The following LEPR variants were observed in gnomAD, a reference collection of about 807,000 sequenced individuals.
LEPR encodes OB receptor.
A neutral mutation model predicts 114.7 loss-of-function variants in LEPR; 56 were observed. The observed-to-expected ratio is 0.49, with a 90% CI of 0.39 to 0.61. LEPR has a LOEUF of 0.61. Among genes scored for constraint, LEPR ranks in the 20% least tolerant of loss-of-function variants. The pLI is 0.00. For missense variants in LEPR, 1,202 were observed against 1,352.9 expected (o/e 0.89, Z 1.75); for synonymous variants, 443 against 461.4 (o/e 0.96, Z 0.51).
Position 65,621,416 on chromosome 1 carries a change from C to T in LEPR, c.2555C>T (p.Ser852Phe). Residue 852 changes from serine (S) to phenylalanine (F), a missense_variant, in exon 18 of 20, where the codon TCT (serine) becomes TTT (phenylalanine). Ser to Phe is a radical substitution (Grantham distance 155). Coordinates refer to ENST00000349533, the MANE Select transcript of LEPR (RefSeq NM_002303.6). ...GTAATTGTGCCAGTAATTATTTCCTCTTCCATCTTATTGCTTGGAACATTA... is the reference window on the plus strand; with the variant it reads ...GTAATTGTGCCAGTAATTATTTCCTTTTCCATCTTATTGCTTGGAACATTA... ...LYVIVPVIIS[S>F]SILLLGTLLI... is the part of the protein sequence containing the mutation. 1 of 1,613,368 alleles carries T rather than the reference C, an allele frequency of 6.2e-7. No individual in the cohort carries two copies. The highest frequency in any genetic ancestry group is 1.1e-5 in the South Asian group (1 of 91,070).
chr1:65,435,263 A>G, intron 2 of LEPR: 8 of 984,810 alleles, frequency 8.1e-6, no homozygotes, highest in African/African-American at 5.2e-5. Flanking sequence ...TATCTCCTCA[A>G]TGAATACTGT....
At chr1:65,533,954 T>C (rs372240957) in intron 2 of LEPR, among the ~76,000 whole-genome samples, 11 of 152,270 alleles carry the variant, frequency 7.2e-5, no homozygotes, top group African/African-American at 2.4e-4. Context: ...TTATTTTAAA[T>C]GTGTCTCTGT....
chr1:65,608,199 G>A (rs1570805901), intron 11 of LEPR, among the ~76,000 whole-genome samples: 1 of 143,118 alleles, frequency 7.0e-6, no homozygotes, highest in East Asian at 2.1e-4. Context: ...AGAACAGTTT[G>A]TTATTGATAT....
chr1:65,603,786 A>C (rs1183798588), intron 10 of LEPR, among the ~76,000 whole-genome samples: 3 of 151,010 alleles, frequency 2.0e-5, no homozygotes, highest in Non-Finnish European at 4.4e-5. Flanking sequence ...TGGCCTAGGG[A>C]AGCCAAAAGA....
In LEPR at chr1:65,596,432, C is replaced by CT. The variant is rs747138555; in HGVS notation, c.704-8dup. ...AAATTACTTGACTTAAAAGTATTCT[C>CT]TTTTTTTTCCTTAAGTGAAGCCTGA... is the stretch of plus-strand genomic sequence containing the variant. On this transcript the variant is annotated splice_polypyrimidine_tract_variant and intron_variant, in intron 6 of 19. Transcript: ENST00000349533. 6.2e-6 allele frequency: 10 copies of CT among 1,611,002 alleles called. No homozygotes were observed. Among genetic ancestry groups the CT allele is most frequent in the Admixed American group, 5.0e-5 (3 of 59,746 alleles).
intron 6 of LEPR, among the ~76,000 whole-genome samples, chr1:65,593,842 A>G (rs1655868162): frequency 6.6e-6 from 1 of 150,398 alleles, no homozygotes. Flanking sequence ...GAAAAAAGTT[A>G]CAAAATCTTT....
chr1:65,430,326 C>G, intron 2 of LEPR: 1 of 265,204 alleles, frequency 3.8e-6, no homozygotes, highest in Non-Finnish European at 7.0e-6. Context: ...ATTCCTGCCT[C>G]TTAAATCTTA....
chr1:65,594,599 G>A (rs1349398172), intron 6 of LEPR, among the ~76,000 whole-genome samples: 1 of 152,022 alleles, frequency 6.6e-6, no homozygotes, highest in Non-Finnish European at 1.5e-5. Flanking sequence ...GAAATCAAGA[G>A]CTCTATTTTG....
chr1:65,552,755 A>C (rs1175376846), intron 2 of LEPR, among the ~76,000 whole-genome samples: 1 of 152,172 alleles, frequency 6.6e-6, no homozygotes, highest in Non-Finnish European at 1.5e-5. Flanking sequence ...TGATCCTGTC[A>C]TTATGATGCT....
chr1:65,581,659 A>G (rs1263870983), intron 5 of LEPR, among the ~76,000 whole-genome samples: 1 of 152,062 alleles, frequency 6.6e-6, no homozygotes, highest in Non-Finnish European at 1.5e-5. Flanking sequence ...GCATTTCTTA[A>G]TTTTAACAGT....
chr1:65,625,652 C>T (rs1028482960), intron 19 of LEPR, among the ~76,000 whole-genome samples: 2 of 151,920 alleles, frequency 1.3e-5, no homozygotes, highest in Non-Finnish European at 2.9e-5. Flanking sequence ...TTAGTGTATC[C>T]GTGGGGGTGA....
intron 2 of LEPR, among the ~76,000 whole-genome samples, chr1:65,547,428 A>C (rs376956452): frequency 6.6e-6 from 1 of 151,640 alleles, no homozygotes; most frequent in African/African-American, 2.4e-5. Context: ...CTGTGAATCC[A>C]TCTGGTCCTG....
chr1:65,569,694 C>T lies in LEPR; in HGVS notation c.41-779C>T, dbSNP rs567409617. ...TGCACTCCAGCCTGAGCAACAAGAG[C>T]GAAATTCCATCTTAAAAAAAAAAAA... On this transcript the variant is annotated intron_variant, in intron 3 of 19. Transcript: ENST00000349533. Among the ~76,000 whole-genome samples the T allele has an allele frequency of 7.1e-5, 8 of 111,998 alleles. No individual in the cohort carries two copies. In the South Asian group the frequency reaches 8.4e-4, roughly 12 times the overall value. The allele number at this position is 111,998 out of a possible 152,430, so 73.5% of individuals were successfully genotyped here.
At chr1:65,532,278 A>G (rs1650454907) in intron 2 of LEPR, among the ~76,000 whole-genome samples, 2 of 152,204 alleles carry the variant, frequency 1.3e-5, no homozygotes, top group African/African-American at 2.4e-5. Context: ...AAGTTCAGGG[A>G]AACTCCATCA....
rs761919755 is a variant in LEPR at position 65,601,357 on chromosome 1, G to A, written c.995-35G>A. 1.7e-5 allele frequency: 27 copies of A among 1,605,462 alleles called. No homozygotes were observed. In the East Asian group the frequency reaches 3.6e-4, roughly 21 times the overall value. ...GTACAAATTACTTACAGAATGTTTT[G>A]TCTTCATCTGATATCCTTTCTTCCC... On this transcript the variant is annotated intron_variant, in intron 8 of 19. Transcript: ENST00000349533.
chr1:65,508,439 A>G (rs946491066), intron 2 of LEPR, among the ~76,000 whole-genome samples: 4 of 152,160 alleles, frequency 2.6e-5, no homozygotes, highest in Non-Finnish European at 5.9e-5. Flanking sequence ...TTTATTGAAG[A>G]GATGTCCTTT....
In LEPR at chr1:65,592,658, C is replaced by G; in HGVS notation, c.496C>G (p.Pro166Ala). 1 of 1,612,558 alleles carries G rather than the reference C, an allele frequency of 6.2e-7. No homozygotes were observed. Among genetic ancestry groups the G allele is most frequent in the Non-Finnish European group, 8.5e-7 (1 of 1,179,144 alleles). ...NYKVHLLYVL[P>A]EVLEDSPLVP... ...TTTAGCTCTTATTTTTCAATATAGG[C>G]CTGAAGTGTTAGAAGATTCACCTCT... Residue 166 changes from proline to alanine, a missense_variant and splice_region_variant, in exon 6 of 20, where the codon CCT (proline) becomes GCT (alanine). Pro to Ala is a conservative substitution (Grantham distance 27). Coordinates refer to ENST00000349533, the MANE Select transcript of LEPR (RefSeq NM_002303.6).
At position 65,437,713 on chromosome 1, in the gene LEPR, G is replaced by A. The variant is rs560468163; in HGVS notation, c.-21+12335G>A. 7.9e-5 allele frequency among the ~76,000 whole-genome samples: 12 copies of A among 152,182 alleles called. No individual in the cohort carries two copies. In the South Asian group the frequency reaches 2.3e-3, roughly 29 times the overall value. On this transcript the variant is annotated intron_variant, in intron 2 of 19. Coordinates refer to ENST00000349533, the MANE Select transcript of LEPR (RefSeq NM_002303.6). ...AAATAAAGTATATGATACGGTAGGC[G>A]CTACTGGAAAAAATATAGTGGGGAA...
intron 2 of LEPR, among the ~76,000 whole-genome samples, chr1:65,559,933 A>T (rs1473964832): frequency 6.9e-6 from 1 of 144,882 alleles, no homozygotes; most frequent in Non-Finnish European, 1.5e-5. Flanking sequence ...TACCAGTACC[A>T]TGCTGTTTTG....
Sources: gnomAD v4.1 joint callset for allele counts (sites outside exome capture counted in the v4.1 genomes callset) on GRCh38, gnomAD v4.1.1 for gene constraint, MANE v1.5 for transcripts, NCBI Gene and HGNC (gene_info 2026-07-23, HGNC 2026-07-21) for gene names.